Variants in PCDH7 observed in about 807,000 individuals in gnomAD.
PCDH7 encodes protocadherin-7.
In PCDH7, 17 loss-of-function variants were observed where a neutral mutation model predicts 58.9. The ratio of observed to expected loss-of-function variants is 0.29; its 90% CI spans 0.20 to 0.43. The LOEUF (loss-of-function observed/expected upper bound fraction) is 0.43. Ranked by LOEUF, PCDH7 falls within the 20% of genes least tolerant of loss-of-function variation. The pLI, the probability that PCDH7 is intolerant of heterozygous loss-of-function variation, is 1.00. For missense variants in PCDH7, 1,274 were observed against 1,441.0 expected, an observed-to-expected ratio of 0.88 and a Z score of 1.88; for synonymous variants, 664 against 616.4, an observed-to-expected ratio of 1.08 and a Z score of -1.14.
intron 2 of PCDH7, among the ~76,000 whole-genome samples, chr4:30,921,059 A>G (rs1429013701): frequency 6.6e-6 from 1 of 152,082 alleles, no homozygotes; most frequent in Admixed American, 6.6e-5. Context: ...ATTTTCTTTT[A>G]AGTTATACAT....
chr4:30,789,140 C>G (rs982437591), intron 1 of PCDH7, among the ~76,000 whole-genome samples: 1 of 152,078 alleles, frequency 6.6e-6, no homozygotes, highest in Non-Finnish European at 1.5e-5. Flanking sequence ...ATAGGTCCCC[C>G]CCTAAGTTAA....
intron 1 of PCDH7, among the ~76,000 whole-genome samples, chr4:30,902,199 T>G (rs1740305055): frequency 1.3e-5 from 2 of 152,208 alleles, no homozygotes; most frequent in South Asian, 4.1e-4. Context: ...GGGAAATGTC[T>G]GCTACCCGTT....
intron 1 of PCDH7, among the ~76,000 whole-genome samples, chr4:30,908,397 T>C (rs1408506219): frequency 1.3e-5 from 2 of 152,140 alleles, no homozygotes; most frequent in Non-Finnish European, 2.9e-5. Context: ...TTAGAGAATG[T>C]ACAGAGATAA....
intron 3 of PCDH7, among the ~76,000 whole-genome samples, chr4:31,133,466 C>T (rs1719222072): frequency 6.6e-6 from 1 of 152,138 alleles, no homozygotes; most frequent in Admixed American, 6.5e-5. Context: ...TGGGTCTATT[C>T]TTAGTGGGAT....
chr4:31,001,548 C>CCCAATGTATG (rs1752367676), intron 3 of PCDH7, among the ~76,000 whole-genome samples: 2 of 151,978 alleles, frequency 1.3e-5, no homozygotes, highest in Non-Finnish European at 1.5e-5. Flanking sequence ...ATCATACCCA[C>CCCAATGTATG]ACACACACGT....
intron 1 of PCDH7, among the ~76,000 whole-genome samples, chr4:30,877,749 A>G (rs993440081): frequency 6.6e-6 from 1 of 152,146 alleles, no homozygotes; most frequent in African/African-American, 2.4e-5. Context: ...TCATACATAT[A>G]GCTTTAGGCA....
intron 3 of PCDH7, among the ~76,000 whole-genome samples, chr4:31,038,577 T>G (rs1202271360): frequency 6.6e-6 from 1 of 152,198 alleles, no homozygotes; most frequent in Non-Finnish European, 1.5e-5. Flanking sequence ...CAAAAGATAT[T>G]ATTTTATATT....
At chr4:31,070,046 T>C (rs947881814) in intron 3 of PCDH7, among the ~76,000 whole-genome samples, 1 of 152,016 alleles carries the variant, frequency 6.6e-6, no homozygotes, top group African/African-American at 2.4e-5. Context: ...ATTCAATCTG[T>C]GAATGATTGA....
At chr4:31,070,863 A>G (rs1006285552) in intron 3 of PCDH7, among the ~76,000 whole-genome samples, 3 of 152,108 alleles carry the variant, frequency 2.0e-5, no homozygotes, top group African/African-American at 7.2e-5. Flanking sequence ...ATGAAGATGA[A>G]CAAATATAGG....
At chr4:30,803,409 A>C (rs753359740) in intron 1 of PCDH7, among the ~76,000 whole-genome samples, 1 of 152,240 alleles carries the variant, frequency 6.6e-6, no homozygotes, top group South Asian at 2.1e-4. Context: ...AAAAGCAACA[A>C]TAAAACACCA....
chr4:31,119,109 C>A (rs1296393920), intron 3 of PCDH7, among the ~76,000 whole-genome samples: 3 of 151,938 alleles, frequency 2.0e-5, no homozygotes, highest in Non-Finnish European at 4.4e-5. Context: ...GTTTTAGATT[C>A]ATTTCATAAG....
At chr4:30,919,095 G>A (rs1742844971) in intron 1 of PCDH7, among the ~76,000 whole-genome samples, 1 of 152,080 alleles carries the variant, frequency 6.6e-6, no homozygotes, top group Admixed American at 6.5e-5. Context: ...GTAGTAGAAA[G>A]AAACAGTCTG....
At chr4:31,079,341 T>TAG (rs1390688674) in intron 3 of PCDH7, among the ~76,000 whole-genome samples, 5 of 72,442 alleles carry the variant, frequency 6.9e-5, no homozygotes, top group Admixed American at 1.2e-4. Flanking sequence ...TATATATATA[T>TAG]ATATATATAT....
chr4:30,782,394 A>G (rs1392723677), intron 1 of PCDH7, among the ~76,000 whole-genome samples: 1 of 152,196 alleles, frequency 6.6e-6, no homozygotes, highest in Non-Finnish European at 1.5e-5. Context: ...AAGCAGATTA[A>G]ACACTCTGAG....
chr4:31,075,514 C>G (rs756717901), intron 3 of PCDH7, among the ~76,000 whole-genome samples: 1 of 152,092 alleles, frequency 6.6e-6, no homozygotes, highest in Non-Finnish European at 1.5e-5. Context: ...ATCTGATTCT[C>G]TATGTCTGAG....
At chr4:30,777,839 C>T (rs900762382) in intron 1 of PCDH7, among the ~76,000 whole-genome samples, 5 of 152,092 alleles carry the variant, frequency 3.3e-5, no homozygotes, top group Admixed American at 6.6e-5. Context: ...CTAAATCTTT[C>T]ACATAAAACG....
rs1211690113 is a variant in PCDH7, at chr4:31,059,857, T to A, written c.*8-82616T>A. Among the ~76,000 whole-genome samples the A allele has an allele frequency of 2.0e-5, 3 of 151,792 alleles. No individual in the cohort carries two copies. The East Asian group carries it at 5.8e-4, about 29-fold the overall frequency. The stretch of plus-strand genomic sequence containing the variant: ...CTATATAAAGTATTCTTTTATTACC[T>A]GTATAAAATATTAGGCTGAAAGTAA... On this transcript the variant is annotated intron_variant, in intron 3 of 3. Transcript: ENST00000509759.
At chr4:30,900,086 A>C (rs1259004385) in intron 1 of PCDH7, among the ~76,000 whole-genome samples, 2 of 152,182 alleles carry the variant, frequency 1.3e-5, no homozygotes, top group Non-Finnish European at 2.9e-5. Flanking sequence ...GTTTCCCAAG[A>C]GATCACCAGA....
chr4:31,037,435 G>A (rs1644315381), intron 3 of PCDH7, among the ~76,000 whole-genome samples: 1 of 152,148 alleles, frequency 6.6e-6, no homozygotes, highest in Admixed American at 6.5e-5. Context: ...TCTCCTGGAA[G>A]GGGATCTCCC....
Sources: allele counts gnomAD v4.1 joint callset (sites outside exome capture counted in the v4.1 genomes callset), GRCh38; gene constraint gnomAD v4.1.1; transcripts MANE v1.5; gene names NCBI Gene and HGNC (gene_info 2026-07-23, HGNC 2026-07-21).